DPP4: variants seen among roughly 807,000 people sequenced by gnomAD.
DPP4 encodes ADCP-2.
Under a neutral mutation model 122.4 loss-of-function variants are expected in DPP4, and 93 were observed. The observed-to-expected ratio is 0.76, with a 90% CI of 0.64 to 0.90. The LOEUF (loss-of-function observed/expected upper bound fraction) is 0.90, where lower values mean the gene tolerates loss of function less well. Ranked by LOEUF, DPP4 falls within the 40% of genes least tolerant of loss-of-function variation. DPP4 has a pLI of 0.00. For missense variants in DPP4, 914 were observed against 907.3 expected (o/e 1.01, Z -0.09); for synonymous variants, 321 against 302.9 (o/e 1.06, Z -0.62).
chr2:162,034,769 T>C (rs2111850), intron 9 of DPP4, among the ~76,000 whole-genome samples: 57,774 of 152,002 alleles, frequency 0.38, 11,486 homozygotes, highest in East Asian at 0.65. Flanking sequence ...TCCCGTTAAC[T>C]AGTAATACAA....
intron 23 of DPP4, among the ~76,000 whole-genome samples, chr2:162,004,214 G>T (rs553259260): frequency 7.3e-4 from 111 of 152,266 alleles, no homozygotes; most frequent in African/African-American, 2.6e-3. Context: ...TGTTGTGGGT[G>T]GGAGTTAATC....
At chr2:162,064,064 T>C (rs923833658) in intron 2 of DPP4, among the ~76,000 whole-genome samples, 3 of 152,184 alleles carry the variant, frequency 2.0e-5, no homozygotes, top group Non-Finnish European at 4.4e-5. Context: ...AATGCACTGA[T>C]GAGCCGGTGA....
chr2:162,044,863 T>C (rs1684118532), intron 5 of DPP4, among the ~76,000 whole-genome samples: 1 of 152,162 alleles, frequency 6.6e-6, no homozygotes, highest in Non-Finnish European at 1.5e-5. Context: ...AGTTTGTATA[T>C]GGTGGGGCCC....
chr2:162,006,432 T>G (rs1701284552), intron 22 of DPP4, among the ~76,000 whole-genome samples: 1 of 152,180 alleles, frequency 6.6e-6, no homozygotes, highest in Admixed American at 6.5e-5. Context: ...AGTTATCATT[T>G]ATTTGCTGTA....
chr2:162,020,174 G>A, intron 14 of DPP4, 55 bp downstream of exon 14: 1 of 1,461,768 alleles, frequency 6.8e-7, no homozygotes, highest in Non-Finnish European at 9.4e-7. Flanking sequence ...TCTGGGCAAA[G>A]AGGGCATGAT....
At chr2:162,023,886 C>T (rs1171193969) in intron 11 of DPP4, among the ~76,000 whole-genome samples, 1 of 152,140 alleles carries the variant, frequency 6.6e-6, no homozygotes. Context: ...TGATAATATT[C>T]CCAACTAGAA....
chr2:161,993,314 T>C lies in DPP4; in HGVS notation c.2270A>G (p.His757Arg). The C allele has an allele frequency of 6.2e-7, 1 of 1,613,494 alleles. No homozygotes were observed. Among genetic ancestry groups the C allele is most frequent in the Non-Finnish European group, 8.5e-7 (1 of 1,179,538 alleles). Residue 757 changes from histidine (H) to arginine (R), a missense_variant, in exon 26 of 26, where the codon CAC (histidine) becomes CGC (arginine). Physicochemically the swap from His to Arg is conservative, Grantham distance 29. Coordinates refer to ENST00000360534, the MANE Select transcript of DPP4 (RefSeq NM_001935.4). ...TAAAGAGAAACATTGTTTTATGAAGTGGCTCATGTGGGTATATATATGTTG... is the reference window on the plus strand; with the variant it reads ...TAAAGAGAAACATTGTTTTATGAAGCGGCTCATGTGGGTATATATATGTTG... ...AHQHIYTHMS[H>R]FIKQCFSLP is the part of the protein sequence containing the mutation.
At chr2:162,043,142 G>A (rs1576060158) in intron 5 of DPP4, among the ~76,000 whole-genome samples, 1 of 152,236 alleles carries the variant, frequency 6.6e-6, no homozygotes, top group East Asian at 1.9e-4. Flanking sequence ...GCTATGCTGA[G>A]TTAGTTGCTT....
intron 14 of DPP4, among the ~76,000 whole-genome samples, 197 bp from the exon 15 acceptor site, chr2:162,019,473 T>C (rs1683043830): frequency 6.6e-6 from 1 of 151,820 alleles, no homozygotes; most frequent in Non-Finnish European, 1.5e-5. Flanking sequence ...AAGGTCTTGT[T>C]CTTAACAGAC....
At chr2:162,042,843 A>G (rs993582522) in intron 5 of DPP4, among the ~76,000 whole-genome samples, 3 of 152,200 alleles carry the variant, frequency 2.0e-5, no homozygotes, top group Non-Finnish European at 4.4e-5. Context: ...TCAATGACAA[A>G]ATATCACAAA....
intron 23 of DPP4, among the ~76,000 whole-genome samples, chr2:161,998,827 A>G (rs1192422252): frequency 6.6e-6 from 1 of 152,252 alleles, no homozygotes; most frequent in Non-Finnish European, 1.5e-5. Flanking sequence ...AATGCAACAT[A>G]CTGAGAAAAA....
chr2:162,063,356 TA>T (rs1395726888), intron 2 of DPP4, among the ~76,000 whole-genome samples: 6 of 152,166 alleles, frequency 3.9e-5, no homozygotes, highest in Admixed American at 3.9e-4. Context: ...GGTTTGCAGG[TA>T]AAATTGGAAA....
intron 17 of DPP4, 73 bp downstream of exon 17, chr2:162,017,035 A>G: frequency 1.3e-6 from 2 of 1,515,790 alleles, no homozygotes; most frequent in East Asian, 4.6e-5. Flanking sequence ...AAATCACACA[A>G]TGCTAAGTAC....
chr2:162,031,231 A>C (rs7573951), intron 10 of DPP4, among the ~76,000 whole-genome samples: 1 of 152,014 alleles, frequency 6.6e-6, no homozygotes, highest in Non-Finnish European at 1.5e-5. Flanking sequence ...TCTCACCTGT[A>C]CCTCACAGCG....
At chr2:162,015,298 A>G (rs184888169) in intron 18 of DPP4, among the ~76,000 whole-genome samples, 2 of 152,326 alleles carry the variant, frequency 1.3e-5, no homozygotes, top group East Asian at 3.9e-4. Context: ...CGATTATTTT[A>G]CTTGAAAAGA....
chr2:162,038,859 TA>T, intron 7 of DPP4, 89 bp downstream of exon 7: 1 of 1,155,966 alleles, frequency 8.7e-7, no homozygotes, highest in Non-Finnish European at 1.3e-6. Flanking sequence ...ATTGAGTTCC[TA>T]AGATGTCTGC....
At chr2:162,040,597 C>T (rs1368085393) in intron 5 of DPP4, among the ~76,000 whole-genome samples, 1 of 151,844 alleles carries the variant, frequency 6.6e-6, no homozygotes, top group Non-Finnish European at 1.5e-5. Context: ...ATTTTTAGCA[C>T]AGTCAAAGTC....
rs1682715645 is a variant in DPP4 at position 162,011,818 on chromosome 2, C to T, written c.1807G>A (p.Val603Ile). Residue 603 changes from valine (V) to isoleucine (I), a missense_variant, in exon 20 of 26, where the codon GTT (valine) becomes ATT (isoleucine). Val to Ile is a conservative substitution (Grantham distance 29). Transcript: ENST00000360534. ...CTGGCTGCTTCAATTTGATCTTCAA[C>T]TTCAAATGTTCCCAGTCTTCTGTTG... ...AINRRLGTFE[V>I]EDQIEAARQF... 6 of 1,613,528 alleles carry T rather than the reference C, an allele frequency of 3.7e-6. No homozygotes were observed. Among genetic ancestry groups the T allele is most frequent in the Non-Finnish European group, 1.7e-6 (2 of 1,179,616 alleles).
chr2:162,054,593 G>A (rs1292836191), intron 2 of DPP4, among the ~76,000 whole-genome samples: 1 of 152,164 alleles, frequency 6.6e-6, no homozygotes, highest in Admixed American at 6.5e-5. Context: ...CCCCACTCAT[G>A]AATGGTTAGG....
Sources: gnomAD v4.1 joint callset for allele counts (sites outside exome capture counted in the v4.1 genomes callset) on GRCh38, gnomAD v4.1.1 for gene constraint, MANE v1.5 for transcripts, NCBI Gene and HGNC (gene_info 2026-07-23, HGNC 2026-07-21) for gene names.